Variants in ABL1 observed in about 807,000 individuals in gnomAD.
ABL1 encodes the protein ABL proto-oncogene 1, non-receptor tyrosine kinase, also known as tyrosine-protein kinase ABL1.
A neutral mutation model predicts 94.7 loss-of-function variants in ABL1; 11 were observed. The ratio of observed to expected loss-of-function variants is 0.12; its 90% confidence interval spans 0.07 to 0.19. The LOEUF is 0.19. Among genes scored for constraint, ABL1 ranks in the 10% least tolerant of loss-of-function variants. ABL1 has a pLI of 1.00. For missense variants in ABL1, 1,082 were observed against 1,489.4 expected, an observed-to-expected ratio of 0.73 and a Z score of 4.50; for synonymous variants, 656 against 622.4, an observed-to-expected ratio of 1.05 and a Z score of -0.80.
At chr9:130,845,723 A>G (rs1830757217) in intron 1 of ABL1, among the ~76,000 whole-genome samples, 1 of 152,326 alleles carries the variant, frequency 6.6e-6, no homozygotes, top group Middle Eastern at 3.4e-3. Flanking sequence ...TAAGGCATTA[A>G]TAAGAGCTAT....
chr9:130,828,344 A>G (rs2772027), intron 1 of ABL1, among the ~76,000 whole-genome samples: 32,243 of 152,108 alleles, frequency 0.21, 4,097 homozygotes, highest in African/African-American at 0.36. Flanking sequence ...CTGGGATTAT[A>G]GGCATGAGCC....
intron 1 of ABL1, among the ~76,000 whole-genome samples, chr9:130,728,784 T>C (rs538170149): frequency 6.6e-6 from 1 of 152,254 alleles, no homozygotes; most frequent in South Asian, 2.1e-4. Context: ...AGAAGGTATT[T>C]GTAATAAAGA....
At chr9:130,754,369 G>A (rs946134834) in intron 1 of ABL1, among the ~76,000 whole-genome samples, 2 of 151,422 alleles carry the variant, frequency 1.3e-5, no homozygotes, top group African/African-American at 4.9e-5. Flanking sequence ...TTAGCCAGGC[G>A]TGGTGGCGGG....
chr9:130,855,527 G>A (rs1239949071), intron 3 of ABL1, among the ~76,000 whole-genome samples: 2 of 152,122 alleles, frequency 1.3e-5, no homozygotes, highest in Non-Finnish European at 2.9e-5. Flanking sequence ...CTGGCACGTG[G>A]GCTTCTTCCT....
chr9:130,757,330 G>A (rs563904525), intron 1 of ABL1, among the ~76,000 whole-genome samples: 3 of 152,232 alleles, frequency 2.0e-5, no homozygotes, highest in South Asian at 2.1e-4. Flanking sequence ...GGAGGCCAAG[G>A]TGGGAGGATT....
chr9:130,754,507 C>CCAA (rs1832017465), intron 1 of ABL1, among the ~76,000 whole-genome samples: 1 of 78,874 alleles, frequency 1.3e-5, no homozygotes, highest in African/African-American at 5.0e-5. Context: ...GACTCCGTCT[C>CCAA]AAAAAAAAAA....
At chr9:130,868,186 C>G (rs894605942) in intron 4 of ABL1, among the ~76,000 whole-genome samples, 8 of 152,240 alleles carry the variant, frequency 5.3e-5, no homozygotes, top group Admixed American at 2.0e-4. Flanking sequence ...TCTCGATCTC[C>G]TGACTTCATG....
chr9:130,748,758 G>A (rs1214838104), intron 1 of ABL1, among the ~76,000 whole-genome samples: 1 of 152,000 alleles, frequency 6.6e-6, no homozygotes, highest in Non-Finnish European at 1.5e-5. Flanking sequence ...TGTATTTTTA[G>A]TGGAGACGGG....
In ABL1 at chr9:130,884,394, G is replaced by A. The variant is rs764106779; in HGVS notation, c.2104G>A (p.Glu702Lys). The part of the protein sequence containing the change: ...TLTSSRLATG[E>K]EEGGGSSSKR... The stretch of plus-strand genomic sequence containing the variant: ...GACCAGCAGCCGCCTAGCCACCGGC[G>A]AGGAGGAGGGCGGTGGCAGCTCCAG... Residue 702 changes from glutamate (E) to lysine (K), a missense_variant, in exon 11 of 11, where the codon GAG (glutamate) becomes AAG (lysine). Coordinates refer to ENST00000318560, the MANE Select transcript of ABL1 (RefSeq NM_005157.6). This position sits in a 1 kb window ranked among gnomAD's most constrained non-coding sequence, Gnocchi z 5.6. The A allele has an allele frequency of 3.7e-6, 6 of 1,611,942 alleles. No individual in the cohort carries two copies. The South Asian group carries it at 4.4e-5, about 12-fold the overall frequency.
chr9:130,789,419 A>G (rs1352784125), intron 1 of ABL1, among the ~76,000 whole-genome samples: 1 of 152,184 alleles, frequency 6.6e-6, no homozygotes, highest in African/African-American at 2.4e-5. Flanking sequence ...GAGTGGACCT[A>G]GGTTTTTACC....
chr9:130,719,816 C>G (rs1831493255), intron 1 of ABL1, among the ~76,000 whole-genome samples: 1 of 152,160 alleles, frequency 6.6e-6, no homozygotes, highest in Non-Finnish European at 1.5e-5. Context: ...AGACATGGAT[C>G]TGGAAGCCAA....
At chr9:130,811,093 C>A (rs1308393868) in intron 1 of ABL1, among the ~76,000 whole-genome samples, 1 of 151,104 alleles carries the variant, frequency 6.6e-6, no homozygotes, top group Non-Finnish European at 1.5e-5. Flanking sequence ...AATAAGGTCT[C>A]TTTCAGACTT....
chr9:130,799,688 AT>A (rs1453076806), intron 1 of ABL1, among the ~76,000 whole-genome samples: 1 of 152,196 alleles, frequency 6.6e-6, no homozygotes, highest in Non-Finnish European at 1.5e-5. Flanking sequence ...TATTAATATC[AT>A]GATGATAAAG....
At chr9:130,780,569 C>T (rs922371762) in intron 1 of ABL1, among the ~76,000 whole-genome samples, 9 of 152,142 alleles carry the variant, frequency 5.9e-5, no homozygotes, top group Admixed American at 3.3e-4. Context: ...TATTTCTAGG[C>T]GAATTGTCCC....
At chr9:130,874,133 G>A (rs1480546440) in intron 6 of ABL1, among the ~76,000 whole-genome samples, 3 of 152,132 alleles carry the variant, frequency 2.0e-5, no homozygotes, top group East Asian at 1.9e-4. Flanking sequence ...GCTATCTCAC[G>A]CAGCCATCAC....
intron 1 of ABL1, among the ~76,000 whole-genome samples, chr9:130,767,931 TTAATTAACA>T (rs1218244542): frequency 1.3e-5 from 2 of 151,978 alleles, no homozygotes; most frequent in African/African-American, 4.8e-5. Flanking sequence ...ATGACTTGGT[TTAATTAACA>T]TGGAAATTGC....
At chr9:130,759,731 T>G (rs1832086414) in intron 1 of ABL1, among the ~76,000 whole-genome samples, 1 of 152,156 alleles carries the variant, frequency 6.6e-6, no homozygotes, top group Admixed American at 6.5e-5. Context: ...GTCTCAGTGG[T>G]GGAGCCGGTA....
intron 1 of ABL1, among the ~76,000 whole-genome samples, chr9:130,746,312 G>A (rs142423348): frequency 2.1e-4 from 32 of 151,214 alleles, no homozygotes; most frequent in African/African-American, 7.8e-4. Context: ...TTAAATTAGT[G>A]AACAGTAAAA....
intron 1 of ABL1, among the ~76,000 whole-genome samples, chr9:130,746,449 C>G (rs1179236786): frequency 1.3e-5 from 2 of 151,524 alleles, no homozygotes; most frequent in African/African-American, 2.4e-5. Context: ...ATTCTGCTCT[C>G]CTGCCTCCTG....
Sources: gnomAD v4.1 joint callset for allele counts (sites outside exome capture counted in the v4.1 genomes callset) on GRCh38, gnomAD v4.1.1 for gene constraint, Gnocchi (gnomAD v3.1) non-coding constraint, MANE v1.5 for transcripts, NCBI Gene and HGNC (gene_info 2026-07-23, HGNC 2026-07-21) for gene names.